COPS4: variants seen among roughly 807,000 people sequenced by gnomAD.
The protein encoded by COPS4 is COP9 signalosome subunit 4.
COPS4 carries 8 observed loss-of-function variants against 55.1 expected under a neutral mutation model. That is an observed-to-expected ratio of 0.15 (90% confidence interval 0.09 to 0.26). The LOEUF (loss-of-function observed/expected upper bound fraction) is 0.26. Among genes scored for constraint, COPS4 ranks in the 10% least tolerant of loss-of-function variants. COPS4 has a pLI of 1.00. For synonymous variants in COPS4, 185 were observed against 165.7 expected (o/e 1.12, Z -0.90); for missense variants, 248 against 484.0 (o/e 0.51, Z 4.58).
intron 6 of COPS4, among the ~76,000 whole-genome samples, chr4:83,059,119 T>C (rs1731095083): frequency 6.6e-6 from 1 of 152,198 alleles, no homozygotes; most frequent in Admixed American, 6.5e-5. Context: ...TGACTGGCCA[T>C]TTTTTGAGTT....
At chr4:83,049,572 T>C (rs1170204203) in intron 3 of COPS4, 2 of 479,050 alleles carry the variant, frequency 4.2e-6, no homozygotes, top group African/African-American at 4.1e-5. Context: ...ATCAGTAAAA[T>C]TGGTATTTCA....
chr4:83,066,659 C>A, intron 8 of COPS4, 106 bp downstream of exon 8: 1 of 602,758 alleles, frequency 1.7e-6, no homozygotes, highest in Non-Finnish European at 2.9e-6. Context: ...TATCTTCCAA[C>A]AAAATAAATG....
chr4:83,039,208 G>A (rs1730499000), intron 1 of COPS4, among the ~76,000 whole-genome samples: 1 of 152,252 alleles, frequency 6.6e-6, no homozygotes, highest in East Asian at 1.9e-4. Context: ...TTAGCTGCCA[G>A]CCAGGCCAGG....
intron 9 of COPS4, 48 bp downstream of exon 9, chr4:83,068,570 T>C: frequency 8.6e-7 from 1 of 1,167,626 alleles, no homozygotes; most frequent in Non-Finnish European, 1.3e-6. Flanking sequence ...CAGTGAACTG[T>C]TATATTTGTG....
intron 9 of COPS4, 25 bp downstream of exon 9, chr4:83,068,547 C>T: frequency 1.4e-6 from 2 of 1,412,974 alleles, no homozygotes; most frequent in Middle Eastern, 1.8e-4. Flanking sequence ...GTATTTCTGT[C>T]ATAATGAAAT....
chr4:83,055,433 A>T (rs1578712311), intron 4 of COPS4, among the ~76,000 whole-genome samples: 1 of 136,522 alleles, frequency 7.3e-6, no homozygotes, highest in African/African-American at 2.8e-5. Flanking sequence ...GATTATAACT[A>T]TACAGTATTC....
intron 1 of COPS4, among the ~76,000 whole-genome samples, chr4:83,044,025 A>T (rs1197821168): frequency 6.6e-6 from 1 of 152,236 alleles, no homozygotes; most frequent in Admixed American, 6.5e-5. Flanking sequence ...CTACAAAATA[A>T]AAGTCATAAA....
At chr4:83,035,544 A>C in intron 1 of COPS4, 1 of 357,136 alleles carries the variant, frequency 2.8e-6, no homozygotes, top group South Asian at 2.3e-5. Flanking sequence ...TCTTGATAGA[A>C]TCTTTCTGGT....
At position 83,060,239 on chromosome 4, in the gene COPS4, A is replaced by G. The variant is rs532677524; in HGVS notation, c.715+2831A>G. ...CGCTCTTTCGCCCAGGCTGGAGTGC[A>G]GTGGCACTATCTCGGCTCACTGCAA... On this transcript the variant is annotated intron_variant, in intron 6 of 9. Coordinates refer to ENST00000264389, the MANE Select transcript of COPS4 (RefSeq NM_016129.3). Among the ~76,000 whole-genome samples the G allele has an allele frequency of 3.5e-4, 52 of 147,698 alleles. 3 individuals are homozygous for G. The South Asian group carries it at 0.011, about 31-fold the overall frequency.
intron 2 of COPS4, 127 bp downstream of exon 2, chr4:83,045,832 T>G (rs1217024313): frequency 1.7e-6 from 1 of 590,202 alleles, no homozygotes; most frequent in Non-Finnish European, 3.0e-6. Context: ...ATTTTAGAAT[T>G]TAAACTGTTT....
chr4:83,047,222 A>C (rs1442356528), intron 2 of COPS4, among the ~76,000 whole-genome samples: 3 of 152,218 alleles, frequency 2.0e-5, no homozygotes, highest in Non-Finnish European at 4.4e-5. Flanking sequence ...CTGTAGTAGC[A>C]GAAGAATAAT....
chr4:83,074,390 A>T (rs1056876519), intron 9 of COPS4, among the ~76,000 whole-genome samples: 12 of 152,120 alleles, frequency 7.9e-5, no homozygotes, highest in Admixed American at 2.0e-4. Context: ...CTAGAAATTT[A>T]AAAAAAGAAA....
chr4:83,051,117 T>C (rs1309167101), intron 4 of COPS4, among the ~76,000 whole-genome samples: 1 of 134,500 alleles, frequency 7.4e-6, no homozygotes, highest in African/African-American at 3.0e-5. Flanking sequence ...AAAAAAAAAA[T>C]GCTGGGCATG....
At chr4:83,047,287 A>G (rs935002128) in intron 2 of COPS4, among the ~76,000 whole-genome samples, 1 of 152,134 alleles carries the variant, frequency 6.6e-6, no homozygotes, top group South Asian at 2.1e-4. Flanking sequence ...TGTAATCCCA[A>G]CACTTTGCGA....
At chr4:83,056,355 A>G (rs959575906) in intron 4 of COPS4, among the ~76,000 whole-genome samples, 2 of 152,344 alleles carry the variant, frequency 1.3e-5, no homozygotes, top group Non-Finnish European at 2.9e-5. Context: ...CCCACTAGTC[A>G]TATATGATAT....
chr4:83,055,806 A>G lies in COPS4; in HGVS notation c.411-1120A>G, dbSNP rs1268320333. 2.6e-5 allele frequency among the ~76,000 whole-genome samples: 4 copies of G among 151,862 alleles called. No homozygotes were observed. The East Asian group carries it at 5.8e-4, about 22-fold the overall frequency. On this transcript the variant is annotated intron_variant, in intron 4 of 9. Transcript: ENST00000264389. ...ATAATATCATAATGGGTGATTTCCA[A>G]TTTTTTTCCTAGCATAGATATTTAT... is the stretch of plus-strand genomic sequence containing the variant.
chr4:83,049,127 A>ATT (rs1730793723), intron 2 of COPS4, 39 bp from the exon 3 acceptor site: 1 of 1,554,968 alleles, frequency 6.4e-7, no homozygotes, highest in South Asian at 1.2e-5. Flanking sequence ...ACAATTTATC[A>ATT]GCTCATGTTT....
chr4:83,054,874 C>A (rs904564945), intron 4 of COPS4, among the ~76,000 whole-genome samples: 10 of 152,024 alleles, frequency 6.6e-5, no homozygotes, highest in Non-Finnish European at 1.5e-4. Flanking sequence ...GGAACTTTTT[C>A]TTTCAAAAAA....
intron 1 of COPS4, among the ~76,000 whole-genome samples, chr4:83,041,225 G>A (rs1730560494): frequency 6.6e-6 from 1 of 151,820 alleles, no homozygotes; most frequent in South Asian, 2.1e-4. Context: ...ACCACGCCCG[G>A]CTAATTTTTG....
Sources: gnomAD v4.1 joint callset for allele counts (sites outside exome capture counted in the v4.1 genomes callset) on GRCh38, gnomAD v4.1.1 for gene constraint, MANE v1.5 for transcripts, NCBI Gene and HGNC (gene_info 2026-07-23, HGNC 2026-07-21) for gene names.